The following PRDM8 variants were observed in gnomAD, a reference collection of about 807,000 sequenced individuals.
The protein encoded by PRDM8 is PR/SET domain 8.
Under a neutral mutation model 46.5 loss-of-function variants are expected in PRDM8, and 13 were observed. That is an observed-to-expected ratio of 0.28 (90% CI 0.18 to 0.44). The LOEUF is 0.44. Ranked by LOEUF, PRDM8 falls within the 20% of genes least tolerant of loss-of-function variation. The pLI is 1.00. For synonymous variants in PRDM8, 473 were observed against 438.4 expected, an observed-to-expected ratio of 1.08 and a Z score of -0.98; for missense variants, 998 against 955.0, an observed-to-expected ratio of 1.04 and a Z score of -0.59.
upstream of PRDM8, chr4:80,194,061 T>A (rs1737759958): frequency 5.5e-6 from 1 of 182,870 alleles, no homozygotes; most frequent in African/African-American, 2.4e-5. Flanking sequence ...ATTCTAATAC[T>A]CCCTAAGAAT....
At position 80,202,932 on chromosome 4, in the gene PRDM8, G is replaced by A. The variant is rs1738656490; in HGVS notation, c.1470G>A (p.Gln490=). ...CCGCAGGCGGCGCGGGCGGGGGCCA[G>A]GGCGCCGCGTCGGACGAGCGCAAAA... The part of the protein sequence containing the change: ...AGAAGGAGGG[Q]GAASDERKSA... The change falls in exon 4 of 4, where the codon CAG becomes CAA. Residue 490 remains glutamine (Q), a synonymous_variant. Transcript: ENST00000415738. 2.1e-6 allele frequency: 3 copies of A among 1,445,106 alleles called. No individual in the cohort carries two copies. Among genetic ancestry groups the A allele is most frequent in the South Asian group, 2.8e-5 (2 of 72,268 alleles). The allele number at this position is 1,445,106 out of a possible 1,614,324, so 89.5% of individuals were successfully genotyped here.
chr4:80,202,681 G>C lies in PRDM8; in HGVS notation c.1219G>C (p.Ala407Pro). ...SLQEEGTADG[A>P]GVASEDQDAG... ...GCAGGAGGAGGGGACAGCCGACGGCGCGGGAGTCGCCTCCGAGGACCAGGA... is the reference window on the plus strand; with the variant it reads ...GCAGGAGGAGGGGACAGCCGACGGCCCGGGAGTCGCCTCCGAGGACCAGGA... Residue 407 changes from alanine to proline, a missense_variant, in exon 4 of 4, where the codon GCG (alanine) becomes CCG (proline). Coordinates refer to ENST00000415738, the MANE Select transcript of PRDM8 (RefSeq NM_001099403.2). The C allele has an allele frequency of 1.4e-6, 2 of 1,416,848 alleles. No individual in the cohort carries two copies. Among genetic ancestry groups the C allele is most frequent in the Non-Finnish European group, 9.2e-7 (1 of 1,090,872 alleles). The allele number at this position is 1,416,848 out of a possible 1,614,324, so 87.8% of individuals were successfully genotyped here. A position where few individuals can be genotyped will look rare whatever the true frequency, so the allele number is the denominator to read the frequency against.
At position 80,203,758 on chromosome 4, in the gene PRDM8, A is replaced by C; in HGVS notation, c.*226A>C. 1.8e-5 allele frequency: 8 copies of C among 442,368 alleles called. No individual in the cohort carries two copies. The highest frequency in any genetic ancestry group is 4.9e-5 in the East Asian group (1 of 20,480). The allele number at this position is 442,368 out of a possible 1,614,324, so 27.4% of individuals were successfully genotyped here. A position where few individuals can be genotyped will look rare whatever the true frequency, so the allele number is the denominator to read the frequency against. ...CACACACCCCCCCCCACACACACAC[A>C]CAGACACACTCACACACAAGAGCCA... On this transcript the variant is annotated 3_prime_UTR_variant, in exon 4 of 4. Transcript: ENST00000415738.
Position 80,203,254 on chromosome 4 carries a change from G to T in PRDM8, c.1792G>T (p.Ala598Ser), listed in dbSNP as rs1055268968. ...AAAAAAAAAA[A>S]GPLQLQLPSA... is the part of the protein sequence containing the mutation. ...TGCAGCCGCGGCTGCGGCGGCGGCC[G>T]CGGGGCCCTTGCAGCTGCAGCTGCC... Residue 598 changes from alanine to serine, a missense_variant, in exon 4 of 4, where the codon GCG becomes TCG. Coordinates refer to ENST00000415738, the MANE Select transcript of PRDM8 (RefSeq NM_001099403.2). 1.3e-6 allele frequency: 2 copies of T among 1,565,594 alleles called. No individual in the cohort carries two copies. Among genetic ancestry groups the T allele is most frequent in the African/African-American group, 1.4e-5 (1 of 73,412 alleles).
At chr4:80,188,758 G>C (rs1437307434) in intron 1 of PRDM8, among the ~76,000 whole-genome samples, 6 of 152,212 alleles carry the variant, frequency 3.9e-5, no homozygotes, top group Admixed American at 3.9e-4. Flanking sequence ...AAAACGTAAA[G>C]CTCCCGTTCA....
At position 80,202,679 on chromosome 4, in the gene PRDM8, G is replaced by A; in HGVS notation, c.1217G>A (p.Gly406Asp). 3 of 1,416,854 alleles carry A rather than the reference G, an allele frequency of 2.1e-6. No individual in the cohort carries two copies. The highest frequency in any genetic ancestry group is 2.8e-6 in the Non-Finnish European group (3 of 1,090,344). The allele number at this position is 1,416,854 out of a possible 1,614,324, so 87.8% of individuals were successfully genotyped here. A position where few individuals can be genotyped will look rare whatever the true frequency, so the allele number is the denominator to read the frequency against. The change falls in exon 4 of 4, where the codon GGC (glycine) becomes GAC (aspartate). Residue 406 changes from glycine to aspartate, a missense_variant. Coordinates refer to ENST00000415738, the MANE Select transcript of PRDM8 (RefSeq NM_001099403.2). ...CTGCAGGAGGAGGGGACAGCCGACG[G>A]CGCGGGAGTCGCCTCCGAGGACCAG... ...ASLQEEGTADGAGVASEDQDA... is the reference protein window; with the variant it reads ...ASLQEEGTADDAGVASEDQDA...
At position 80,190,530 on chromosome 4, in the gene PRDM8, C is replaced by G. The variant is rs528386554; in HGVS notation, c.-982-942C>G. 5.3e-5 allele frequency among the ~76,000 whole-genome samples: 8 copies of G among 152,338 alleles called. No individual in the cohort carries two copies. In the East Asian group the frequency reaches 1.5e-3, roughly 29 times the overall value. On this transcript the variant is annotated intron_variant, in intron 1 of 9. Coordinates refer to the PRDM8 transcript ENST00000339711. ...GCACTCTTTGGTGAATCAGCTCAAACGATGTGATCTGTGTCTGCGCCTCCT... is the reference window on the plus strand; with the variant it reads ...GCACTCTTTGGTGAATCAGCTCAAAGGATGTGATCTGTGTCTGCGCCTCCT...
At chr4:80,197,419 G>T, upstream of PRDM8, 1 of 984,864 alleles carries the variant, frequency 1.0e-6, no homozygotes, top group Non-Finnish European at 1.2e-6. Flanking sequence ...CCAGCAAAGA[G>T]TTAAAGGGAG....
Position 80,199,707 on chromosome 4 carries a change from A to ATGTGTGTGTGTG in PRDM8, c.-2-371_-2-370insGTGTGTGTGTGT, listed in dbSNP as rs201992799. ...AAATTATATATATGTATATATATAT[A>ATGTGTGTGTGTG]TATGTGTGTGTGTGTGTGTGTGTGT... is the stretch of plus-strand genomic sequence containing the variant. On this transcript the variant is annotated intron_variant, in intron 1 of 3. Transcript: ENST00000415738. Among the ~76,000 whole-genome samples the ATGTGTGTGTGTG allele has an allele frequency of 6.9e-3, 628 of 90,586 alleles. 2 individuals carry two copies. Among genetic ancestry groups the ATGTGTGTGTGTG allele is most frequent in the Middle Eastern group, 0.05 (9 of 180 alleles). 59.4% of individuals were successfully genotyped at this position (90,586 alleles called of 152,430 possible). A position where few individuals can be genotyped will look rare whatever the true frequency, so the allele number is the denominator to read the frequency against.
At chr4:80,188,223 C>G (rs1368224453) in intron 1 of PRDM8, among the ~76,000 whole-genome samples, 1 of 152,164 alleles carries the variant, frequency 6.6e-6, no homozygotes, top group Non-Finnish European at 1.5e-5. Context: ...TCTATTTACC[C>G]AGCATTCCAA....
chr4:80,201,433 C>G lies in PRDM8; in HGVS notation c.363C>G (p.Ala121=), dbSNP rs1263648679. Residue 121 remains alanine (A), a synonymous_variant, in exon 3 of 4, where the codon GCC becomes GCG. Transcript: ENST00000415738. ...TCTACCGCTCTCTCCGCAGGATTGC[C>G]AAAGACGAGGAGTTACTAGTTTGGT... ...QLFYRSLRRI[A]KDEELLVWYG... is the part of the protein sequence containing the mutation. 1.2e-6 allele frequency: 2 copies of G among 1,614,210 alleles called. No homozygotes were observed. The highest frequency in any genetic ancestry group is 2.2e-5 in the East Asian group (1 of 44,872).
At chr4:80,201,855 T>TGTGC (rs1243446029) in intron 3 of PRDM8, 59 bp from the exon 4 acceptor site, 26 of 1,598,910 alleles carry the variant, frequency 1.6e-5, no homozygotes, top group Non-Finnish European at 4.3e-6. Context: ...AATCATGTGG[T>TGTGC]GTGCGTGTGT....
chr4:80,197,304 C>T (rs59167041), upstream of PRDM8: 10,735 of 971,480 alleles, frequency 0.011, 821 homozygotes, highest in African/African-American at 0.17. Context: ...CCGGGACGCT[C>T]TCTGAGAGGC....
At chr4:80,196,341 T>C (rs1737959297), upstream of PRDM8, 1 of 985,312 alleles carries the variant, frequency 1.0e-6, no homozygotes. Context: ...CAAAGGCCTT[T>C]CTTCCTTTAG....
intron 1 of PRDM8, among the ~76,000 whole-genome samples, chr4:80,190,323 G>A (rs1737447391): frequency 6.6e-6 from 1 of 152,242 alleles, no homozygotes; most frequent in African/African-American, 2.4e-5. Context: ...AATGTGGCGG[G>A]CCCTTGGGAA....
At chr4:80,197,790 G>A in intron 1 of PRDM8, 27 bp downstream of exon 1, 2 of 985,046 alleles carry the variant, frequency 2.0e-6, no homozygotes, top group Non-Finnish European at 2.4e-6. Context: ...TGATGTGGGA[G>A]GGGGATGGGA....
At chr4:80,197,980 C>T (rs1194837523) in intron 1 of PRDM8, among the ~76,000 whole-genome samples, 3 of 152,246 alleles carry the variant, frequency 2.0e-5, no homozygotes, top group Non-Finnish European at 4.4e-5. Flanking sequence ...GGCCGCCAGA[C>T]AATGCCTGCC....
rs769268256 is a variant in PRDM8, at chr4:80,201,512, A to C, written c.442A>C (p.Lys148Gln). 26 of 1,613,770 alleles carry C rather than the reference A, an allele frequency of 1.6e-5. No individual in the cohort carries two copies. Among genetic ancestry groups the C allele is most frequent in the Non-Finnish European group, 2.2e-5 (26 of 1,179,742 alleles). Reference protein sequence around the residue: ...LLLCPSRSHNKMNGSSPYTCL... With the variant: ...LLLCPSRSHNQMNGSSPYTCL... ...GCTCTGCCCCTCTAGATCCCACAAC[A>C]AAATGAATGGTAGGTTGGCTCGCGA... The change falls in exon 3 of 4, where the codon AAA becomes CAA. Residue 148 changes from lysine to glutamine, a missense_variant. By Grantham distance (53) the Lys-to-Gln change is moderately conservative. Transcript: ENST00000415738.
At chr4:80,197,397 G>C, upstream of PRDM8, 1 of 978,720 alleles carries the variant, frequency 1.0e-6, no homozygotes, top group Non-Finnish European at 1.2e-6. Flanking sequence ...GGCGCCGGAG[G>C]GAGCGCCTGG....
Sources: gnomAD v4.1 joint callset for allele counts (sites outside exome capture counted in the v4.1 genomes callset) on GRCh38, gnomAD v4.1.1 for gene constraint, MANE v1.5 for transcripts, NCBI Gene and HGNC (gene_info 2026-07-23, HGNC 2026-07-21) for gene names.